Variants in STK4 observed in about 807,000 individuals in gnomAD.
STK4 encodes serine/threonine-protein kinase 4.
In STK4, 30 loss-of-function variants were observed where a neutral mutation model predicts 64.9. The ratio of observed to expected loss-of-function variants is 0.46; its 90% CI spans 0.35 to 0.63. The LOEUF is 0.63. Among genes scored for constraint, STK4 ranks in the 20% least tolerant of loss-of-function variants. The pLI is 0.01. For missense variants in STK4, 466 were observed against 598.5 expected, an observed-to-expected ratio of 0.78 and a Z score of 2.31; for synonymous variants, 177 against 199.0, an observed-to-expected ratio of 0.89 and a Z score of 0.93.
chr20:45,025,165 A>T (rs757379410), intron 10 of STK4, 35 bp downstream of exon 10: 1 of 1,578,228 alleles, frequency 6.3e-7, no homozygotes, highest in Admixed American at 1.8e-5. Flanking sequence ...TTATGTCTTC[A>T]GGGGAAGTTA....
At chr20:45,018,128 C>A (rs1337487046) in intron 9 of STK4, among the ~76,000 whole-genome samples, 1 of 152,064 alleles carries the variant, frequency 6.6e-6, no homozygotes, top group Non-Finnish European at 1.5e-5. Context: ...TAGAAAAAAA[C>A]AAACCCTGTG....
At chr20:44,987,576 AAGGAAGAAAAATTAAG>A (rs1229899698) in intron 5 of STK4, among the ~76,000 whole-genome samples, 9 of 152,292 alleles carry the variant, frequency 5.9e-5, no homozygotes, top group South Asian at 2.1e-4. Context: ...ATATTTATAA[AAGGAAGAAAAATTAAG>A]AGGAAGAAAA....
intron 10 of STK4, among the ~76,000 whole-genome samples, chr20:45,064,893 GCAAA>G (rs1272467025): frequency 1.3e-5 from 2 of 152,176 alleles, no homozygotes; most frequent in Non-Finnish European, 2.9e-5. Flanking sequence ...TATATTGTCT[GCAAA>G]CAGATAGTTT....
chr20:45,065,026 G>A (rs534453986), intron 10 of STK4, among the ~76,000 whole-genome samples: 139 of 152,216 alleles, frequency 9.1e-4, no homozygotes, highest in African/African-American at 3.0e-3. Context: ...ACTTGTTCTG[G>A]TTTTCAGAGG....
In STK4 at chr20:45,056,555, TC is replaced by T. The variant is rs556257249; in HGVS notation, c.1306-18461del. On this transcript the variant is annotated intron_variant, in intron 10 of 10. Coordinates refer to ENST00000372806, the MANE Select transcript of STK4 (RefSeq NM_006282.5). ...TTCTGCATTTGGACTGTAAATATCATCCAGACTCTTCTGGATTGGAAAGTAT... is the reference window on the plus strand; with the variant it reads ...TTCTGCATTTGGACTGTAAATATCATCAGACTCTTCTGGATTGGAAAGTAT... Among the ~76,000 whole-genome samples the T allele has an allele frequency of 4.7e-4, 72 of 152,364 alleles. 1 individual carries two copies. The highest frequency in any genetic ancestry group is 1.6e-3 in the African/African-American group (67 of 41,586).
intron 7 of STK4, among the ~76,000 whole-genome samples, chr20:44,998,385 A>G (rs1381029293): frequency 6.6e-6 from 1 of 152,230 alleles, no homozygotes; most frequent in East Asian, 1.9e-4. Flanking sequence ...TGATGATTAA[A>G]TGATATAATG....
chr20:44,979,672 C>T (rs2067402343), intron 3 of STK4, among the ~76,000 whole-genome samples: 1 of 152,208 alleles, frequency 6.6e-6, no homozygotes. Flanking sequence ...AAAACTTCTA[C>T]ATTAGGGTTT....
At chr20:45,068,911 A>G (rs1600573787) in intron 10 of STK4, among the ~76,000 whole-genome samples, 1 of 152,260 alleles carries the variant, frequency 6.6e-6, no homozygotes, top group Non-Finnish European at 1.5e-5. Context: ...GTATCCTGCT[A>G]ACAGAGTGAG....
At chr20:45,024,054 C>T (rs2068299107) in intron 9 of STK4, among the ~76,000 whole-genome samples, 1 of 151,810 alleles carries the variant, frequency 6.6e-6, no homozygotes, top group Admixed American at 6.6e-5. Context: ...GCGCCCGCCA[C>T]CACGCCCGGC....
intron 6 of STK4, among the ~76,000 whole-genome samples, chr20:44,995,750 T>C (rs1349514919): frequency 6.6e-6 from 1 of 152,178 alleles, no homozygotes; most frequent in Non-Finnish European, 1.5e-5. Flanking sequence ...AATTTAAGTG[T>C]GTTCCACCCC....
At chr20:44,993,978 C>CAAA (rs775346644) in intron 5 of STK4, among the ~76,000 whole-genome samples, 1 of 119,166 alleles carries the variant, frequency 8.4e-6, no homozygotes, top group African/African-American at 3.1e-5. Flanking sequence ...AACTCTTTCT[C>CAAA]AAAAAAAAAA....
chr20:44,986,406 G>A (rs1406576865), intron 4 of STK4, among the ~76,000 whole-genome samples: 1 of 152,178 alleles, frequency 6.6e-6, no homozygotes, highest in Non-Finnish European at 1.5e-5. Context: ...GAACAGCAAG[G>A]AAGCAAGCCC....
At chr20:45,052,985 TCAAC>T in intron 10 of STK4, 4 of 919,228 alleles carry the variant, frequency 4.4e-6, no homozygotes, top group African/African-American at 3.3e-5. Context: ...TATTTTTGTT[TCAAC>T]TTCTTATTTT....
intron 9 of STK4, among the ~76,000 whole-genome samples, chr20:45,018,136 G>T (rs2068177264): frequency 6.6e-6 from 1 of 152,176 alleles, no homozygotes; most frequent in African/African-American, 2.4e-5. Flanking sequence ...AACAAACCCT[G>T]TGATAAGAAT....
At chr20:44,996,633 G>C (rs2067735710) in intron 6 of STK4, among the ~76,000 whole-genome samples, 1 of 152,124 alleles carries the variant, frequency 6.6e-6, no homozygotes, top group Admixed American at 6.6e-5. Flanking sequence ...GGACATAGTA[G>C]AATGTAACTG....
intron 1 of STK4, among the ~76,000 whole-genome samples, chr20:44,969,321 G>GAGT (rs2067205668): frequency 6.6e-6 from 1 of 152,206 alleles, no homozygotes; most frequent in Non-Finnish European, 1.5e-5. Flanking sequence ...CACATAAAAT[G>GAGT]AACTTTATGG....
intron 10 of STK4, among the ~76,000 whole-genome samples, chr20:45,062,127 A>G (rs1020649701): frequency 6.6e-6 from 1 of 151,520 alleles, no homozygotes; most frequent in Middle Eastern, 3.4e-3. Context: ...TGATCCTCCC[A>G]CCTTGGCTTC....
In STK4 at chr20:45,000,506, G is replaced by A. The variant is rs374601797; in HGVS notation, c.946G>A (p.Asp316Asn). Reference protein sequence around the residue: ...ESQQREVDQDDEENSEEDEMD... With the variant: ...ESQQREVDQDNEENSEEDEMD... ...CCAGCAGCGGGAAGTGGACCAGGAC[G>A]ATGAAGAAAACTCAGTGAGTGGCAG... The change falls in exon 8 of 11, where the codon GAT becomes AAT. Residue 316 changes from aspartate (D) to asparagine (N), a missense_variant. Asp to Asn is a conservative substitution (Grantham distance 23). This residue lies in a region of STK4 where 276 missense variants were observed against 308.9 expected (regional missense o/e 0.89). Coordinates refer to ENST00000372806, the MANE Select transcript of STK4 (RefSeq NM_006282.5). 6 of 1,613,878 alleles carry A rather than the reference G, an allele frequency of 3.7e-6. No individual in the cohort carries two copies. Among genetic ancestry groups the A allele is most frequent in the East Asian group, 2.2e-5 (1 of 44,892 alleles).
chr20:44,978,347 A>C, intron 2 of STK4, 96 bp from the exon 3 acceptor site: 4 of 1,430,452 alleles, frequency 2.8e-6, no homozygotes, highest in Non-Finnish European at 3.7e-6. Flanking sequence ...GCACTTAGGG[A>C]TATATGTTAG....
Sources: gnomAD v4.1 joint callset for allele counts (sites outside exome capture counted in the v4.1 genomes callset) on GRCh38, gnomAD v4.1.1 for gene constraint, gnomAD v4.1.1 regional missense constraint, MANE v1.5 for transcripts, NCBI Gene and HGNC (gene_info 2026-07-23, HGNC 2026-07-21) for gene names.